The following ADAM7 variants were observed in gnomAD, a reference collection of about 807,000 sequenced individuals.
ADAM7 encodes ADAM metallopeptidase domain 7.
Under a neutral mutation model 102.9 loss-of-function variants are expected in ADAM7, and 97 were observed. The observed-to-expected ratio is 0.94, with a 90% CI of 0.80 to 1.12. The LOEUF is 1.12. Among genes scored for constraint, ADAM7 ranks in the 50% most tolerant of loss-of-function variants. The probability of loss-of-function intolerance (pLI) is 0.00; values close to 1 mark genes in which losing one functional copy is unlikely to be tolerated. For missense variants in ADAM7, 991 were observed against 908.7 expected, an observed-to-expected ratio of 1.09 and a Z score of -1.16; for synonymous variants, 334 against 304.4, an observed-to-expected ratio of 1.10 and a Z score of -1.01.
At chr8:24,476,635 A>G in intron 8 of ADAM7, 131 bp downstream of exon 8, 1 of 543,572 alleles carries the variant, frequency 1.8e-6, no homozygotes, top group Non-Finnish European at 3.1e-6. Context: ...TAATAAGCAA[A>G]AATCCACGGG....
chr8:24,477,214 C>T lies in ADAM7; in HGVS notation c.705+710C>T, dbSNP rs180853007. Reference sequence around the variant, plus strand: ...AATTTCATTTATTTTTTGTAAATAACGAAGAAGTAGGAATACTGGGTCATA... The same window carrying T: ...AATTTCATTTATTTTTTGTAAATAATGAAGAAGTAGGAATACTGGGTCATA... On this transcript the variant is annotated intron_variant, in intron 8 of 21. Coordinates refer to ENST00000175238, the MANE Select transcript of ADAM7 (RefSeq NM_003817.4). 2.6e-5 allele frequency among the ~76,000 whole-genome samples: 4 copies of T among 152,176 alleles called. No homozygotes were observed. In the East Asian group the frequency reaches 5.8e-4, roughly 22 times the overall value.
In ADAM7 at chr8:24,509,341, C is replaced by T; in HGVS notation, c.*795C>T. 1.0e-6 allele frequency: 1 copy of T among 985,432 alleles called. No homozygotes were observed. The highest frequency in any genetic ancestry group is 1.2e-6 in the Non-Finnish European group (1 of 829,968). The allele number at this position is 985,432 out of a possible 1,614,324, so 61.0% of individuals were successfully genotyped here. ...ATTTCTGTGCTGTCTCTGCCCTCTCCCTATCCGTTTGTTATGGGATGGGGG... is the reference window on the plus strand; with the variant it reads ...ATTTCTGTGCTGTCTCTGCCCTCTCTCTATCCGTTTGTTATGGGATGGGGG... On this transcript the variant is annotated 3_prime_UTR_variant, in exon 22 of 22. Transcript: ENST00000175238.
At chr8:24,484,994 T>C (rs1383015354) in intron 9 of ADAM7, among the ~76,000 whole-genome samples, 3 of 151,844 alleles carry the variant, frequency 2.0e-5, no homozygotes, top group Non-Finnish European at 4.4e-5. Context: ...TCAGTAGAGA[T>C]GGGGTTTCAC....
chr8:24,470,699 G>C (rs1819575804), intron 7 of ADAM7, among the ~76,000 whole-genome samples: 1 of 152,170 alleles, frequency 6.6e-6, no homozygotes, highest in South Asian at 2.1e-4. Context: ...CTGTGGTGAT[G>C]CTGGTGTAAA....
chr8:24,461,291 G>A (rs752186721), intron 3 of ADAM7, among the ~76,000 whole-genome samples: 3 of 151,140 alleles, frequency 2.0e-5, no homozygotes, highest in Non-Finnish European at 2.9e-5. Flanking sequence ...ACGCCCAGCC[G>A]GTTTTCTGTA....
At chr8:24,463,010 CAAAG>C (rs892731755) in intron 3 of ADAM7, among the ~76,000 whole-genome samples, 1 of 152,010 alleles carries the variant, frequency 6.6e-6, no homozygotes, top group African/African-American at 2.4e-5. Flanking sequence ...AAAAATGAAA[CAAAG>C]AACATGTAAT....
At chr8:24,445,750 A>T (rs1441708704) in intron 2 of ADAM7, among the ~76,000 whole-genome samples, 1 of 152,268 alleles carries the variant, frequency 6.6e-6, no homozygotes, top group East Asian at 1.9e-4. Flanking sequence ...CAAATCTTTG[A>T]CTTACTAGGT....
chr8:24,488,647 G>A (rs1820228220), intron 11 of ADAM7, among the ~76,000 whole-genome samples: 1 of 152,108 alleles, frequency 6.6e-6, no homozygotes, highest in African/African-American at 2.4e-5. Flanking sequence ...AAGGAAGATG[G>A]AAGGGAGATA....
Position 24,445,335 on chromosome 8 carries a change from G to A in ADAM7, c.157-1851G>A, listed in dbSNP as rs1818516098. Among the ~76,000 whole-genome samples, 5 of 152,268 alleles carry A rather than the reference G, an allele frequency of 3.3e-5. No individual in the cohort carries two copies. In the South Asian group the frequency reaches 1.0e-3, roughly 32 times the overall value. On this transcript the variant is annotated intron_variant, in intron 2 of 21. Coordinates refer to ENST00000175238, the MANE Select transcript of ADAM7 (RefSeq NM_003817.4). ...CTGTAATTTTATTGTTCAACTTGCA[G>A]TCAAAACAACCTTAACTAATGCACA...
intron 3 of ADAM7, among the ~76,000 whole-genome samples, chr8:24,459,105 C>A (rs1819145305): frequency 6.6e-6 from 1 of 151,860 alleles, no homozygotes; most frequent in Admixed American, 6.6e-5. Flanking sequence ...AAGTGTTTGA[C>A]AGAATTTACA....
chr8:24,465,447 A>T (rs1341741044), intron 4 of ADAM7, among the ~76,000 whole-genome samples: 2 of 152,226 alleles, frequency 1.3e-5, no homozygotes, highest in African/African-American at 4.8e-5. Context: ...TCATTAACAG[A>T]CTATTAAATT....
At chr8:24,467,273 C>T in intron 6 of ADAM7, 2 of 465,694 alleles carry the variant, frequency 4.3e-6, no homozygotes, top group Non-Finnish European at 7.5e-6. Flanking sequence ...TTTCAATGTC[C>T]TAAAACCTAA....
rs752285376 is a variant in ADAM7, at chr8:24,490,788, G to A, written c.1267-11G>A. 1 of 1,610,126 alleles carries A rather than the reference G, an allele frequency of 6.2e-7. No individual in the cohort carries two copies. Among genetic ancestry groups the A allele is most frequent in the Non-Finnish European group, 8.5e-7 (1 of 1,178,614 alleles). Reference sequence around the variant, plus strand: ...ACCAATTTCTCATCTCTCTTTTGTGGTTATTGCCAGGAGTGTACTAATCCT... The same window carrying A: ...ACCAATTTCTCATCTCTCTTTTGTGATTATTGCCAGGAGTGTACTAATCCT... On this transcript the variant is annotated splice_polypyrimidine_tract_variant and intron_variant, in intron 12 of 21. Transcript: ENST00000175238.
intron 2 of ADAM7, among the ~76,000 whole-genome samples, chr8:24,444,273 ATAAATAAATAAAT>A (rs1485666386): frequency 1.3e-5 from 2 of 150,522 alleles, no homozygotes; most frequent in African/African-American, 4.8e-5. Flanking sequence ...TATATAATAA[ATAAATAAATAAAT>A]TAAATAAATA....
intron 3 of ADAM7, among the ~76,000 whole-genome samples, chr8:24,458,396 T>G (rs574242091): frequency 2.0e-5 from 3 of 152,328 alleles, no homozygotes; most frequent in African/African-American, 4.8e-5. Flanking sequence ...ATTTATTTCT[T>G]TATATTTACT....
chr8:24,500,679 G>GA, intron 18 of ADAM7, 111 bp from the exon 19 acceptor site: 1 of 769,982 alleles, frequency 1.3e-6, no homozygotes, highest in Non-Finnish European at 2.1e-6. Context: ...AAGGAGAATT[G>GA]AAGTTCTATA....
intron 14 of ADAM7, 146 bp downstream of exon 14, chr8:24,492,244 C>G: frequency 1.2e-6 from 1 of 821,898 alleles, no homozygotes; most frequent in East Asian, 2.6e-5. Context: ...TGGATATTAC[C>G]TGTCATATTA....
intron 6 of ADAM7, 38 bp from the exon 7 acceptor site, chr8:24,468,729 T>C (rs1344308914): frequency 6.3e-7 from 1 of 1,582,180 alleles, no homozygotes; most frequent in Non-Finnish European, 8.7e-7. Flanking sequence ...ATAGAAAGTG[T>C]TAACTATACT....
intron 5 of ADAM7, among the ~76,000 whole-genome samples, chr8:24,466,309 G>A (rs1232330244): frequency 6.6e-6 from 1 of 152,188 alleles, no homozygotes; most frequent in Non-Finnish European, 1.5e-5. Context: ...ATGTGGAGAG[G>A]TAAAGAGGAA....
Sources: allele counts gnomAD v4.1 joint callset (sites outside exome capture counted in the v4.1 genomes callset), GRCh38; gene constraint gnomAD v4.1.1; transcripts MANE v1.5; gene names NCBI Gene and HGNC (gene_info 2026-07-23, HGNC 2026-07-21).